The following KCNJ6 variants were observed in gnomAD, a reference collection of about 807,000 sequenced individuals.
KCNJ6 encodes the protein G protein-activated inward rectifier potassium channel 2.
In KCNJ6, 9 loss-of-function variants were observed where a neutral mutation model predicts 34.2. That is an observed-to-expected ratio of 0.26 (90% CI 0.16 to 0.46). The LOEUF (loss-of-function observed/expected upper bound fraction) is 0.46. Among genes scored for constraint, KCNJ6 ranks in the 20% least tolerant of loss-of-function variants. The pLI is 1.00. For missense variants in KCNJ6, 236 were observed against 531.3 expected (o/e 0.44, Z 5.46); for synonymous variants, 196 against 207.1 (o/e 0.95, Z 0.46).
intron 1 of KCNJ6, among the ~76,000 whole-genome samples, chr21:37,854,394 C>T (rs2055554013): frequency 6.6e-6 from 1 of 151,744 alleles, no homozygotes; most frequent in Admixed American, 6.6e-5. Flanking sequence ...TGAAGTAAGC[C>T]AGGCGCAGAA....
At chr21:37,707,717 C>CCG (rs1569449139) in intron 3 of KCNJ6, among the ~76,000 whole-genome samples, 1 of 2,466 alleles carries the variant, frequency 4.1e-4, no homozygotes, top group African/African-American at 1.6e-3. Context: ...TGTTTAGTAT[C>CCG]TGTGCATGTG....
intron 2 of KCNJ6, among the ~76,000 whole-genome samples, chr21:37,726,983 A>T (rs1462536358): frequency 2.0e-5 from 3 of 152,218 alleles, no homozygotes; most frequent in African/African-American, 7.2e-5. Context: ...ATATGGAATT[A>T]AGGTGGGCTC....
chr21:37,847,225 G>C (rs2055513406), intron 1 of KCNJ6, among the ~76,000 whole-genome samples: 1 of 152,152 alleles, frequency 6.6e-6, no homozygotes, highest in Non-Finnish European at 1.5e-5. Context: ...CACTGCATTA[G>C]TACATTAGAC....
intron 2 of KCNJ6, among the ~76,000 whole-genome samples, chr21:37,731,631 TC>T (rs2054886016): frequency 1.3e-5 from 2 of 152,182 alleles, no homozygotes; most frequent in Non-Finnish European, 2.9e-5. Flanking sequence ...GGGTGATTGC[TC>T]TAAGTCTAGG....
chr21:37,710,947 G>A (rs2054748569), intron 3 of KCNJ6, among the ~76,000 whole-genome samples: 1 of 152,196 alleles, frequency 6.6e-6, no homozygotes, highest in African/African-American at 2.4e-5. Context: ...TTCAAAAATA[G>A]AACCACATGA....
In KCNJ6 at chr21:37,617,179, TCC is replaced by T; in HGVS notation, c.*7978_*7979del. On this transcript the variant is annotated 3_prime_UTR_variant, in exon 4 of 4. Coordinates refer to ENST00000609713, the MANE Select transcript of KCNJ6 (RefSeq NM_002240.5). ...TCTTTCTTTATCTTTTTTCCTTCCT[TCC>T]TTCCTTCCTTCCTTCCTTCCTTCCT... 7.5e-6 allele frequency: 1 copy of T among 132,890 alleles called. No homozygotes were observed. The highest frequency in any genetic ancestry group is 2.6e-4 in the South Asian group (1 of 3,886). 8.2% of individuals were successfully genotyped at this position (132,890 alleles called of 1,614,324 possible).
intron 3 of KCNJ6, among the ~76,000 whole-genome samples, chr21:37,699,556 G>C (rs763420215): frequency 6.6e-6 from 1 of 152,192 alleles, no homozygotes; most frequent in East Asian, 1.9e-4. Context: ...AGGGAAATCG[G>C]ATAACATCAA....
intron 2 of KCNJ6, among the ~76,000 whole-genome samples, chr21:37,762,316 G>A (rs914506367): frequency 7.9e-5 from 12 of 152,252 alleles, no homozygotes; most frequent in East Asian, 5.8e-4. Context: ...GGATGTAGAC[G>A]CTCAGCCCAT....
intron 2 of KCNJ6, among the ~76,000 whole-genome samples, chr21:37,838,555 C>T (rs1166670602): frequency 1.3e-5 from 2 of 152,182 alleles, no homozygotes; most frequent in African/African-American, 4.8e-5. Flanking sequence ...ATTTAGAGAA[C>T]GTGGCGAATT....
At chr21:37,812,210 C>T (rs957830380) in intron 2 of KCNJ6, among the ~76,000 whole-genome samples, 2 of 152,138 alleles carry the variant, frequency 1.3e-5, no homozygotes, top group Admixed American at 6.5e-5. Context: ...TTTGGGGACT[C>T]CTCTTGGCTA....
chr21:37,629,379 A>G (rs1315127709), intron 3 of KCNJ6, among the ~76,000 whole-genome samples: 1 of 152,138 alleles, frequency 6.6e-6, no homozygotes, highest in East Asian at 1.9e-4. Flanking sequence ...TAAGTGTACT[A>G]TTATGGGCTG....
In KCNJ6 at chr21:37,615,944, T is replaced by C. The variant is rs1037856087; in HGVS notation, c.*9215A>G. ...GAAGAAGAGCCTTTTAAGAAGCAAT[T>C]TGGCCACCTAAGTGCATCCCATCTT... On this transcript the variant is annotated 3_prime_UTR_variant, in exon 4 of 4. Coordinates refer to ENST00000609713, the MANE Select transcript of KCNJ6 (RefSeq NM_002240.5). 6.6e-6 allele frequency: 1 copy of C among 152,236 alleles called. No homozygotes were observed. The highest frequency in any genetic ancestry group is 2.4e-5 in the African/African-American group (1 of 41,454). The allele number at this position is 152,236 out of a possible 1,614,324, so 9.4% of individuals were successfully genotyped here.
In KCNJ6 at chr21:37,877,877, C is replaced by T. The variant is rs766062467; in HGVS notation, c.-27-37168G>A. 1.3e-5 allele frequency among the ~76,000 whole-genome samples: 2 copies of T among 152,170 alleles called. 1 individual carries two copies. The highest frequency in any genetic ancestry group is 4.1e-4 in the South Asian group (2 of 4,828). On this transcript the variant is annotated intron_variant, in intron 1 of 3. Transcript: ENST00000609713. ...GTCTGTCTCTTTTTCTGGCGCATGCCGGAAGTTCATACACTTAATTTATTT... is the reference window on the plus strand; with the variant it reads ...GTCTGTCTCTTTTTCTGGCGCATGCTGGAAGTTCATACACTTAATTTATTT...
chr21:37,808,553 G>A (rs967645636), intron 2 of KCNJ6, among the ~76,000 whole-genome samples: 3 of 152,134 alleles, frequency 2.0e-5, no homozygotes, highest in South Asian at 2.1e-4. Context: ...CAATAATAAC[G>A]CTATTGACTT....
chr21:37,879,907 A>T lies in KCNJ6; in HGVS notation c.-28+35977T>A, dbSNP rs936432817. Among the ~76,000 whole-genome samples, 704 of 151,956 alleles carry T rather than the reference A, an allele frequency of 4.6e-3. 3 individuals are homozygous for T. The highest frequency in any genetic ancestry group is 0.014 in the Middle Eastern group (4 of 292). ...TAGGGTCCAAAACGGAAGTAAAAAAACCCTTTGACTCACCTATAGGTTTTT... is the reference window on the plus strand; with the variant it reads ...TAGGGTCCAAAACGGAAGTAAAAAATCCCTTTGACTCACCTATAGGTTTTT... On this transcript the variant is annotated intron_variant, in intron 1 of 3. Coordinates refer to ENST00000609713, the MANE Select transcript of KCNJ6 (RefSeq NM_002240.5).
chr21:37,840,513 G>T, intron 2 of KCNJ6, 145 bp downstream of exon 2: 1 of 597,842 alleles, frequency 1.7e-6, no homozygotes. Context: ...ACATCAACAT[G>T]ATGCAGTGTG....
chr21:37,715,233 T>C, intron 2 of KCNJ6, 102 bp from the exon 3 acceptor site: 1 of 986,474 alleles, frequency 1.0e-6, no homozygotes, highest in South Asian at 1.7e-5. Flanking sequence ...CCAAATACCA[T>C]TTGTGTAGCT....
chr21:37,705,574 A>G (rs572357650), intron 3 of KCNJ6, among the ~76,000 whole-genome samples: 1 of 152,364 alleles, frequency 6.6e-6, no homozygotes, highest in South Asian at 2.1e-4. Flanking sequence ...ACAGTGAAGG[A>G]TGTGCATGAT....
rs1445534459 is a variant in KCNJ6 at position 37,876,344 on chromosome 21, C to T, written c.-27-35635G>A. Among the ~76,000 whole-genome samples, 3 of 152,086 alleles carry T rather than the reference C, an allele frequency of 2.0e-5. 1 individual carries two copies. The East Asian group carries it at 5.8e-4, about 29-fold the overall frequency. ...AACTTGCCAAAAGTCACCCAATTAA[C>T]AAAAAAGAGAGCCAGGATTCAAATC... On this transcript the variant is annotated intron_variant, in intron 1 of 3. Transcript: ENST00000609713.
Sources: gnomAD v4.1 joint callset for allele counts (sites outside exome capture counted in the v4.1 genomes callset) on GRCh38, gnomAD v4.1.1 for gene constraint, MANE v1.5 for transcripts, NCBI Gene and HGNC (gene_info 2026-07-23, HGNC 2026-07-21) for gene names.